The following C2orf80 variants were observed in gnomAD, a reference collection of about 807,000 sequenced individuals.
The protein encoded by C2orf80 is uncharacterized protein C2orf80.
In C2orf80, 28 loss-of-function variants were observed where a neutral mutation model predicts 30.2. The ratio of observed to expected loss-of-function variants is 0.93; its 90% CI spans 0.69 to 1.27. The LOEUF is 1.27. Among genes scored for constraint, C2orf80 ranks in the 50% most tolerant of loss-of-function variants. The probability of loss-of-function intolerance (pLI) is 0.00; values close to 1 mark genes in which losing one functional copy is unlikely to be tolerated. For synonymous variants in C2orf80, 80 were observed against 76.4 expected (o/e 1.05, Z -0.24); for missense variants, 220 against 231.0 (o/e 0.95, Z 0.31).
Position 208,176,927 on chromosome 2 carries a change from A to G in C2orf80, c.366+3818T>C, listed in dbSNP as rs377449133. 1.3e-4 allele frequency among the ~76,000 whole-genome samples: 13 copies of G among 98,640 alleles called. No homozygotes were observed. In the East Asian group the frequency reaches 2.8e-3, roughly 21 times the overall value. The allele number at this position is 98,640 out of a possible 152,430, so 64.7% of individuals were successfully genotyped here. On this transcript the variant is annotated intron_variant, in intron 6 of 8. Coordinates refer to ENST00000341287, the MANE Select transcript of C2orf80 (RefSeq NM_001099334.3). ...TATCTGTGTATACATATCTGTATAC[A>G]TATGTATACATATCTGTATACATAT...
At chr2:208,172,860 C>T (rs1423247127) in intron 6 of C2orf80, among the ~76,000 whole-genome samples, 4 of 152,062 alleles carry the variant, frequency 2.6e-5, no homozygotes, top group African/African-American at 9.7e-5. Flanking sequence ...GTCATGCCTG[C>T]AATCCCAGCT....
At chr2:208,179,296 A>G (rs1280216720) in intron 6 of C2orf80, among the ~76,000 whole-genome samples, 1 of 152,256 alleles carries the variant, frequency 6.6e-6, no homozygotes, top group Non-Finnish European at 1.5e-5. Flanking sequence ...GTTGGTTTCA[A>G]TGTAAACACT....
intron 6 of C2orf80, among the ~76,000 whole-genome samples, chr2:208,177,666 G>T (rs1181560197): frequency 1.3e-5 from 2 of 152,126 alleles, no homozygotes; most frequent in African/African-American, 4.8e-5. Context: ...CACTGATTGT[G>T]AGAATGGGGA....
At chr2:208,176,918 T>G (rs1467408636) in intron 6 of C2orf80, among the ~76,000 whole-genome samples, 11 of 100,190 alleles carry the variant, frequency 1.1e-4, no homozygotes, top group Non-Finnish European at 1.8e-4. Context: ...TGTATACATA[T>G]CTGTATACAT....
intron 2 of C2orf80, among the ~76,000 whole-genome samples, chr2:208,185,259 T>G (rs962913270): frequency 4.6e-5 from 7 of 152,292 alleles, no homozygotes; most frequent in African/African-American, 1.4e-4. Context: ...ATCTAAAAAT[T>G]AAACTCAATT....
chr2:208,189,106 A>C (rs1401290737), intron 1 of C2orf80, among the ~76,000 whole-genome samples: 1 of 152,232 alleles, frequency 6.6e-6, no homozygotes, highest in East Asian at 1.9e-4. Context: ...TCTGGCATGC[A>C]TTAAAATTCT....
In C2orf80 at chr2:208,182,976, C is replaced by T. The variant is rs1302393261; in HGVS notation, c.195G>A (p.Glu65=). ...CTACTTCAACTTACAGTTCCTCCCA[C>T]TCCAGCCAAGTTAAGTCTTCTGAGG... ...LDPSEDLTWL[E]WEELKIPLHG... is the part of the protein sequence containing the mutation. Residue 65 remains glutamate, a synonymous_variant, in exon 4 of 9, where the codon GAG becomes GAA. Transcript: ENST00000341287. The T allele has an allele frequency of 6.2e-7, 1 of 1,613,702 alleles. No homozygotes were observed. The highest frequency in any genetic ancestry group is 1.7e-5 in the Admixed American group (1 of 60,030).
At position 208,171,987 on chromosome 2, in the gene C2orf80, C is replaced by T. The variant is rs757703365; in HGVS notation, c.454+1G>A. ...AAGCAGGTGAAAGTAACCAGGCTTA[C>T]TCTGTTTGCGGGCGTATGCTGCTGC... On this transcript the variant is annotated splice_donor_variant, in intron 7 of 8. Coordinates refer to ENST00000341287, the MANE Select transcript of C2orf80 (RefSeq NM_001099334.3). LOFTEE classifies it high-confidence loss of function. The T allele has an allele frequency of 1.2e-6, 2 of 1,612,352 alleles. No individual in the cohort carries two copies. The highest frequency in any genetic ancestry group is 1.7e-6 in the Non-Finnish European group (2 of 1,178,394).
chr2:208,172,271 C>T (rs996176810), intron 6 of C2orf80, among the ~76,000 whole-genome samples, 196 bp from the exon 7 acceptor site: 1 of 152,162 alleles, frequency 6.6e-6, no homozygotes, highest in Non-Finnish European at 1.5e-5. Context: ...CACACATGGC[C>T]TTTTGTTCCT....
chr2:208,176,842 G>A (rs1356002683), intron 6 of C2orf80, among the ~76,000 whole-genome samples: 1 of 78,936 alleles, frequency 1.3e-5, no homozygotes, highest in Non-Finnish European at 2.6e-5. Flanking sequence ...CTGCCTCTCA[G>A]ATAATATATC....
intron 6 of C2orf80, among the ~76,000 whole-genome samples, chr2:208,175,736 CGT>C (rs1019365473): frequency 3.2e-5 from 4 of 125,764 alleles, no homozygotes; most frequent in Admixed American, 7.8e-5. Context: ...CTTGCAATAT[CGT>C]TTTTTTTTTT....
intron 3 of C2orf80, 42 bp from the exon 4 acceptor site, chr2:208,183,089 C>G: frequency 6.5e-7 from 1 of 1,549,284 alleles, no homozygotes; most frequent in Non-Finnish European, 8.9e-7. Flanking sequence ...CAGGCTTAGA[C>G]ATTGGCCGAA....
chr2:208,186,965 T>C lies in C2orf80; in HGVS notation c.22A>G (p.Lys8Glu). Residue 8 changes from lysine to glutamate, a missense_variant, in exon 2 of 9, where the codon AAG (lysine) becomes GAG (glutamate). Lys to Glu is a moderately conservative substitution (Grantham distance 56). Transcript: ENST00000341287. ...ACTTACAAGAGCTTTTTCATTTCCTTCTTTATGAGCCTTCTTTCCATGTTA... is the reference window on the plus strand; with the variant it reads ...ACTTACAAGAGCTTTTTCATTTCCTCCTTTATGAGCCTTCTTTCCATGTTA... MERRLIK[K>E]EMKKLLGDYI... 2 of 1,614,098 alleles carry C rather than the reference T, an allele frequency of 1.2e-6. No homozygotes were observed. Among genetic ancestry groups the C allele is most frequent in the Non-Finnish European group, 1.7e-6 (2 of 1,179,922 alleles).
At position 208,182,961 on chromosome 2, in the gene C2orf80, T is replaced by G; in HGVS notation, c.206+4A>C. ...AGGAAAGCAACAAACCTACTTCAACTTACAGTTCCTCCCACTCCAGCCAAG... is the reference window on the plus strand; with the variant it reads ...AGGAAAGCAACAAACCTACTTCAACGTACAGTTCCTCCCACTCCAGCCAAG... On this transcript the variant is annotated splice_donor_region_variant and intron_variant, in intron 4 of 8. Coordinates refer to ENST00000341287, the MANE Select transcript of C2orf80 (RefSeq NM_001099334.3). 1.2e-6 allele frequency: 2 copies of G among 1,611,334 alleles called. No homozygotes were observed. The highest frequency in any genetic ancestry group is 1.7e-6 in the Non-Finnish European group (2 of 1,177,444).
chr2:208,189,898 G>C, intron 1 of C2orf80, 55 bp downstream of exon 1: 1 of 702,118 alleles, frequency 1.4e-6, no homozygotes, highest in Non-Finnish European at 2.6e-6. Flanking sequence ...CAGGTCTCTC[G>C]GGCTGTTCTA....
At chr2:208,174,156 G>A (rs986295001) in intron 6 of C2orf80, among the ~76,000 whole-genome samples, 1 of 151,964 alleles carries the variant, frequency 6.6e-6, no homozygotes, top group African/African-American at 2.4e-5. Flanking sequence ...TTTTTGCCAC[G>A]TTGCCTAGGT....
intron 3 of C2orf80, among the ~76,000 whole-genome samples, chr2:208,184,219 C>T (rs1696647850): frequency 6.8e-6 from 1 of 147,028 alleles, no homozygotes; most frequent in Non-Finnish European, 1.5e-5. Context: ...TGAATCAAAA[C>T]AGCCTTGTAA....
chr2:208,185,629 G>C (rs946350482), intron 2 of C2orf80, among the ~76,000 whole-genome samples: 3 of 152,056 alleles, frequency 2.0e-5, no homozygotes, highest in Non-Finnish European at 4.4e-5. Context: ...GTGCTACCCC[G>C]GGAATGTGAC....
At chr2:208,176,852 C>CTATATATATA (rs1406192582) in intron 6 of C2orf80, among the ~76,000 whole-genome samples, 1 of 55,080 alleles carries the variant, frequency 1.8e-5, no homozygotes, top group African/African-American at 6.4e-5. Context: ...GATAATATAT[C>CTATATATATA]TATATATATA....
Sources: allele counts gnomAD v4.1 joint callset (sites outside exome capture counted in the v4.1 genomes callset), GRCh38; gene constraint gnomAD v4.1.1; transcripts MANE v1.5; gene names NCBI Gene and HGNC (gene_info 2026-07-23, HGNC 2026-07-21).